The following CDH6 variants were observed in gnomAD, a reference collection of about 807,000 sequenced individuals.
The protein encoded by CDH6 is cadherin-6.
Under a neutral mutation model 78.0 loss-of-function variants are expected in CDH6, and 31 were observed. The observed-to-expected ratio is 0.40, with a 90% CI of 0.30 to 0.54. The LOEUF is 0.54. Ranked by LOEUF, CDH6 falls within the 20% of genes least tolerant of loss-of-function variation. The pLI is 0.56. For synonymous variants in CDH6, 376 were observed against 368.8 expected (o/e 1.02, Z -0.23); for missense variants, 724 against 975.9 (o/e 0.74, Z 3.44).
At chr5:31,286,957 G>C (rs568153254) in intron 2 of CDH6, among the ~76,000 whole-genome samples, 1 of 152,152 alleles carries the variant, frequency 6.6e-6, no homozygotes, top group African/African-American at 2.4e-5. Context: ...GGCCTAGGAT[G>C]ACTCCCTGGT....
chr5:31,216,208 C>T (rs1350308095), intron 1 of CDH6, among the ~76,000 whole-genome samples: 1 of 151,664 alleles, frequency 6.6e-6, no homozygotes, highest in Non-Finnish European at 1.5e-5. Flanking sequence ...AGTTTGCTTG[C>T]AATCTAATGC....
chr5:31,267,790 C>A (rs1028580033), intron 2 of CDH6, 89 bp downstream of exon 2: 2 of 950,580 alleles, frequency 2.1e-6, no homozygotes, highest in Non-Finnish European at 3.3e-6. Flanking sequence ...GTGTACTATT[C>A]CCCAATATAG....
chr5:31,240,263 C>T (rs1163832147), intron 1 of CDH6, among the ~76,000 whole-genome samples: 2 of 151,966 alleles, frequency 1.3e-5, no homozygotes, highest in Non-Finnish European at 2.9e-5. Context: ...GATTTTTTTC[C>T]TTCTATAGCA....
chr5:31,216,148 T>G (rs1740857182), intron 1 of CDH6, among the ~76,000 whole-genome samples: 1 of 151,804 alleles, frequency 6.6e-6, no homozygotes, highest in Admixed American at 6.6e-5. Context: ...TTTTTTTTTT[T>G]GAAAACTTAG....
chr5:31,277,822 TA>T (rs1361755153), intron 2 of CDH6, among the ~76,000 whole-genome samples: 3 of 152,166 alleles, frequency 2.0e-5, no homozygotes, highest in Non-Finnish European at 4.4e-5. Context: ...CACAGAATAT[TA>T]AAAAACCACC....
chr5:31,304,128 C>A (rs1561067140), intron 6 of CDH6, among the ~76,000 whole-genome samples: 1 of 151,950 alleles, frequency 6.6e-6, no homozygotes, highest in African/African-American at 2.4e-5. Context: ...GCCCAATGCC[C>A]TTTTCAGGAT....
chr5:31,305,525 C>A, intron 7 of CDH6, 98 bp downstream of exon 7: 1 of 1,258,156 alleles, frequency 7.9e-7, no homozygotes. Flanking sequence ...CCTTTTGTTC[C>A]AATTAGACAA....
At position 31,326,831 on chromosome 5, in the gene CDH6, A is replaced by T. The variant is rs1738636489; in HGVS notation, c.*3523A>T. On this transcript the variant is annotated 3_prime_UTR_variant, in exon 12 of 12. Coordinates refer to ENST00000265071, the MANE Select transcript of CDH6 (RefSeq NM_004932.4). ...CTCAGCGCCCCCAGTAGCTGGGACT[A>T]CAGGCACACACCACCACGCCCGGCT... The T allele has an allele frequency of 6.4e-6, 1 of 157,432 alleles. No homozygotes were observed. The highest frequency in any genetic ancestry group is 1.4e-5 in the Non-Finnish European group (1 of 71,358). 9.8% of individuals were successfully genotyped at this position (157,432 alleles called of 1,614,324 possible).
chr5:31,259,285 C>A (rs1742146965), intron 1 of CDH6, among the ~76,000 whole-genome samples: 1 of 152,218 alleles, frequency 6.6e-6, no homozygotes, highest in African/African-American at 2.4e-5. Flanking sequence ...GCCAAGTTCA[C>A]AATTACTTAA....
intron 2 of CDH6, among the ~76,000 whole-genome samples, chr5:31,278,474 T>G (rs550793471): frequency 6.6e-6 from 1 of 152,254 alleles, no homozygotes; most frequent in East Asian, 1.9e-4. Context: ...CAAATTAAAA[T>G]CAGACATTAT....
At chr5:31,196,003 A>G (rs1012696496) in intron 1 of CDH6, among the ~76,000 whole-genome samples, 2 of 152,228 alleles carry the variant, frequency 1.3e-5, no homozygotes, top group Admixed American at 6.5e-5. Context: ...TGGTATCTCC[A>G]TAGGGACTTT....
intron 6 of CDH6, among the ~76,000 whole-genome samples, chr5:31,302,794 G>GAAAGGA (rs1388716040): frequency 5.2e-4 from 19 of 36,390 alleles, no homozygotes; most frequent in African/African-American, 1.3e-3. Flanking sequence ...GAGAGAGAGA[G>GAAAGGA]AGAGAGAAAG....
chr5:31,318,049 A>C (rs770558555), intron 11 of CDH6, 125 bp downstream of exon 11: 18 of 1,138,720 alleles, frequency 1.6e-5, no homozygotes, highest in Non-Finnish European at 2.2e-5. Flanking sequence ...GTCGAGTTAC[A>C]TACTGAGAAT....
chr5:31,206,532 G>A (rs1373181941), intron 1 of CDH6, among the ~76,000 whole-genome samples: 2 of 152,200 alleles, frequency 1.3e-5, no homozygotes, highest in Non-Finnish European at 2.9e-5. Context: ...GGGAAACCTC[G>A]CAAGGGTGTT....
intron 1 of CDH6, among the ~76,000 whole-genome samples, chr5:31,257,036 C>G (rs1041843410): frequency 1.3e-5 from 2 of 152,200 alleles, no homozygotes; most frequent in Admixed American, 6.5e-5. Context: ...ACATCCATGC[C>G]TTTTCAAACC....
chr5:31,227,585 A>T (rs1741188670), intron 1 of CDH6, among the ~76,000 whole-genome samples: 1 of 152,174 alleles, frequency 6.6e-6, no homozygotes, highest in African/African-American at 2.4e-5. Flanking sequence ...CAAACACCCT[A>T]GTTCTTCAAC....
At chr5:31,227,877 G>T (rs1741203403) in intron 1 of CDH6, among the ~76,000 whole-genome samples, 1 of 152,180 alleles carries the variant, frequency 6.6e-6, no homozygotes, top group African/African-American at 2.4e-5. Context: ...AGTATTAGTT[G>T]CTTCTTGCTG....
chr5:31,317,948 T>C (rs2149960268), intron 11 of CDH6, 24 bp downstream of exon 11: 1 of 1,608,412 alleles, frequency 6.2e-7, no homozygotes, highest in Non-Finnish European at 8.5e-7. Context: ...CCCTGCCTCC[T>C]ATCTCCCCAT....
intron 9 of CDH6, among the ~76,000 whole-genome samples, chr5:31,317,109 A>T (rs899348287): frequency 4.6e-5 from 7 of 152,184 alleles, no homozygotes; most frequent in African/African-American, 1.7e-4. Context: ...AGAAGGTGCT[A>T]CTGATATCTC....
Sources: allele counts gnomAD v4.1 joint callset (sites outside exome capture counted in the v4.1 genomes callset), GRCh38; gene constraint gnomAD v4.1.1; transcripts MANE v1.5; gene names NCBI Gene and HGNC (gene_info 2026-07-23, HGNC 2026-07-21).